The following HEY2 variants were observed in gnomAD, a reference collection of about 807,000 sequenced individuals.
HEY2 encodes hes related family bHLH transcription factor with YRPW motif 2.
In HEY2, 10 loss-of-function variants were observed where a neutral mutation model predicts 18.1. That is an observed-to-expected ratio of 0.55 (90% CI 0.34 to 0.94). The LOEUF (loss-of-function observed/expected upper bound fraction) is 0.94, where lower values mean the gene tolerates loss of function less well. HEY2 is among the 40% of genes least tolerant of loss of function. HEY2 has a pLI of 0.02. For synonymous variants in HEY2, 210 were observed against 182.7 expected, an observed-to-expected ratio of 1.15 and a Z score of -1.21; for missense variants, 455 against 455.9, an observed-to-expected ratio of 1.00 and a Z score of 0.02.
In HEY2 at chr6:125,749,645, G is replaced by A. The variant is rs1773491359; in HGVS notation, c.-132G>A. The A allele has an allele frequency of 1.9e-6, 1 of 516,998 alleles. No homozygotes were observed. Among genetic ancestry groups the A allele is most frequent in the South Asian group, 3.3e-5 (1 of 30,142 alleles). The allele number at this position is 516,998 out of a possible 1,614,324, so 32.0% of individuals were successfully genotyped here. A position where few individuals can be genotyped will look rare whatever the true frequency, so the allele number is the denominator to read the frequency against. ...GTTGCGGCGTGGGAAAGAGCCGCTA[G>A]GAGCAGACCGCGCCGCCGCCGGAGC... On this transcript the variant is annotated 5_prime_UTR_variant, in exon 1 of 5. Transcript: ENST00000368364.
intron 3 of HEY2, among the ~76,000 whole-genome samples, chr6:125,753,588 T>C (rs1005105479): frequency 1.3e-5 from 2 of 151,948 alleles, no homozygotes; most frequent in African/African-American, 4.8e-5. Flanking sequence ...AGAGAACATA[T>C]TGGTAATTAT....
At position 125,749,732 on chromosome 6, in the gene HEY2, G is replaced by T; in HGVS notation, c.-45G>T. The T allele has an allele frequency of 2.0e-6, 3 of 1,488,644 alleles. No homozygotes were observed. Among genetic ancestry groups the T allele is most frequent in the Non-Finnish European group, 1.8e-6 (2 of 1,096,966 alleles). The allele number at this position is 1,488,644 out of a possible 1,614,324, so 92.2% of individuals were successfully genotyped here. ...GTCAGGGTGCTGCGCCCCGCTCGGC[G>T]TCCGAGCTTCCGGCCGGGCTGTGCC... On this transcript the variant is annotated 5_prime_UTR_variant, in exon 1 of 5. Coordinates refer to ENST00000368364, the MANE Select transcript of HEY2 (RefSeq NM_012259.3).
intron 4 of HEY2, among the ~76,000 whole-genome samples, chr6:125,756,810 A>T (rs969198032): frequency 1.3e-5 from 2 of 152,218 alleles, no homozygotes; most frequent in Non-Finnish European, 2.9e-5. Context: ...TATATAACTC[A>T]TAAGGCTGTT....
Position 125,760,413 on chromosome 6 carries a change from A to G in HEY2, c.*611A>G, listed in dbSNP as rs1281568440. The G allele has an allele frequency of 2.0e-5, 3 of 152,944 alleles. No individual in the cohort carries two copies. Among genetic ancestry groups the G allele is most frequent in the Admixed American group, 1.3e-4 (2 of 15,402 alleles). 9.5% of individuals were successfully genotyped at this position (152,944 alleles called of 1,614,324 possible). ...AAATAATTTTCAAGTTGAAAGATCT[A>G]GTTTTATCTTAGTTTGCCTTCTTTG... On this transcript the variant is annotated 3_prime_UTR_variant, in exon 5 of 5. Coordinates refer to ENST00000368364, the MANE Select transcript of HEY2 (RefSeq NM_012259.3).
Position 125,761,088 on chromosome 6 carries a change from TC to T in HEY2, c.*1287del, listed in dbSNP as rs1773794316. The T allele has an allele frequency of 6.5e-6, 1 of 152,680 alleles. No individual in the cohort carries two copies. The highest frequency in any genetic ancestry group is 1.5e-5 in the Non-Finnish European group (1 of 68,042). The allele number at this position is 152,680 out of a possible 1,614,324, so 9.5% of individuals were successfully genotyped here. On this transcript the variant is annotated 3_prime_UTR_variant, in exon 5 of 5. Coordinates refer to ENST00000368364, the MANE Select transcript of HEY2 (RefSeq NM_012259.3). Reference sequence around the variant, plus strand: ...AGAGACACAGCATGTATTATGCACTTCATTTCTCTACTGTGTGGAGAAAGCA... The same window carrying T: ...AGAGACACAGCATGTATTATGCACTTATTTCTCTACTGTGTGGAGAAAGCA...
At chr6:125,750,463 C>A in intron 1 of HEY2, 1 of 919,388 alleles carries the variant, frequency 1.1e-6, no homozygotes, top group Non-Finnish European at 1.3e-6. Flanking sequence ...TCACAGAAGC[C>A]AGACCTCCAC....
In HEY2 at chr6:125,759,349, C is replaced by A. The variant is rs1177141562; in HGVS notation, c.561C>A (p.Ala187=). ...CGCTCCACCCGCATCACTGGGCCGC[C>A]GCCTTCCACCACCTGCCCGCAGCCC... is the stretch of plus-strand genomic sequence containing the variant. The part of the protein sequence containing the change: ...HHPLHPHHWA[A]AFHHLPAALL... The change falls in exon 5 of 5, where the codon GCC becomes GCA. Residue 187 remains alanine, a synonymous_variant. Transcript: ENST00000368364. 6.2e-7 allele frequency: 1 copy of A among 1,604,110 alleles called. No homozygotes were observed. Among genetic ancestry groups the A allele is most frequent in the Admixed American group, 1.7e-5 (1 of 59,782 alleles).
At chr6:125,754,647 CT>C (rs1237966228) in intron 4 of HEY2, 101 bp downstream of exon 4, 9 of 545,670 alleles carry the variant, frequency 1.6e-5, no homozygotes, top group Non-Finnish European at 2.8e-5. Flanking sequence ...CTGAACAGTT[CT>C]TTAACAAGCT....
intron 1 of HEY2, 150 bp from the exon 2 acceptor site, chr6:125,751,651 A>G: frequency 2.0e-6 from 1 of 495,266 alleles, no homozygotes; most frequent in Non-Finnish European, 3.5e-6. Context: ...CTGAAAGCAA[A>G]GTCCGTTAAG....
chr6:125,753,054 A>T (rs1773584107), intron 3 of HEY2, among the ~76,000 whole-genome samples: 1 of 152,256 alleles, frequency 6.6e-6, no homozygotes, highest in African/African-American at 2.4e-5. Flanking sequence ...TTAAACGCTG[A>T]CCAAATACAA....
At position 125,759,611 on chromosome 6, in the gene HEY2, G is replaced by T. The variant is rs1361015504; in HGVS notation, c.823G>T (p.Ala275Ser). 6.2e-7 allele frequency: 1 copy of T among 1,610,754 alleles called. No homozygotes were observed. ...CGCAGCCGCAGCAGCCACCGCGGCT[G>T]CACACAGCTTCCCTCTGTCCTTCGC... ...HAAAAAATAAAHSFPLSFAGA... is the reference protein window; with the variant it reads ...HAAAAAATAASHSFPLSFAGA... The change falls in exon 5 of 5, where the codon GCA becomes TCA. Residue 275 changes from alanine (A) to serine (S), a missense_variant. Transcript: ENST00000368364.
Position 125,754,550 on chromosome 6 carries a change from A to G in HEY2, c.328+4A>G. 6.5e-7 allele frequency: 1 copy of G among 1,529,990 alleles called. No homozygotes were observed. Among genetic ancestry groups the G allele is most frequent in the Non-Finnish European group, 8.9e-7 (1 of 1,126,880 alleles). The allele number at this position is 1,529,990 out of a possible 1,614,324, so 94.8% of individuals were successfully genotyped here. Reference sequence around the variant, plus strand: ...CTTCAGGCAACAGGGGGTAAAGGTAAGTAGATGACTTCATTTTTTTTTTTT... The same window carrying G: ...CTTCAGGCAACAGGGGGTAAAGGTAGGTAGATGACTTCATTTTTTTTTTTT... On this transcript the variant is annotated splice_donor_region_variant and intron_variant, in intron 4 of 4. Transcript: ENST00000368364.
chr6:125,751,655 C>T (rs779108248), intron 1 of HEY2, 146 bp from the exon 2 acceptor site: 16 of 535,440 alleles, frequency 3.0e-5, no homozygotes, highest in Non-Finnish European at 4.2e-5. Flanking sequence ...AAGCAAAGTC[C>T]GTTAAGAGTG....
chr6:125,755,390 C>T (rs185961788), intron 4 of HEY2, among the ~76,000 whole-genome samples: 7 of 152,318 alleles, frequency 4.6e-5, no homozygotes, highest in African/African-American at 1.7e-4. Context: ...CTTTGATATT[C>T]ACCTTAGCCA....
rs1554255604 is a variant in HEY2, at chr6:125,759,516, C to CG, written c.731dup (p.Ser245GlnfsTer81). The CG allele has an allele frequency of 1.2e-6, 2 of 1,611,022 alleles. No individual in the cohort carries two copies. Among genetic ancestry groups the CG allele is most frequent in the Non-Finnish European group, 1.7e-6 (2 of 1,179,988 alleles). The stretch of plus-strand genomic sequence containing the variant: ...GATTCAGCCCTCCGAATGCCATCCA[C>CG]GGGCAGCGTCGCCCCCTGCGTGCCA... On this transcript the variant is annotated frameshift_variant, in exon 5 of 5. Coordinates refer to ENST00000368364, the MANE Select transcript of HEY2 (RefSeq NM_012259.3). LOFTEE classifies it low-confidence loss of function (END_TRUNC).
chr6:125,750,192 A>G (rs1184815789), intron 1 of HEY2: 1 of 955,950 alleles, frequency 1.0e-6, no homozygotes, highest in Non-Finnish European at 1.2e-6. Context: ...AGCCACTGAA[A>G]CCGTATTTGG....
At chr6:125,750,074 G>C (rs140485061) in intron 1 of HEY2, among the ~76,000 whole-genome samples, 179 of 152,306 alleles carry the variant, frequency 1.2e-3, no homozygotes, top group African/African-American at 3.8e-3. Context: ...GGAGTAGCCA[G>C]GATGGGAGAC....
Position 125,751,787 on chromosome 6 carries a change from T to G in HEY2, c.84-14T>G. 1 of 1,582,814 alleles carries G rather than the reference T, an allele frequency of 6.3e-7. No individual in the cohort carries two copies. The highest frequency in any genetic ancestry group is 1.1e-5 in the South Asian group (1 of 89,848). On this transcript the variant is annotated splice_polypyrimidine_tract_variant and intron_variant, in intron 1 of 4. Coordinates refer to ENST00000368364, the MANE Select transcript of HEY2 (RefSeq NM_012259.3). ...TGTTAATGCAGCACCTGACATACTC[T>G]TCTTATTTCATAGGCAAAGTACTAG...
rs2128528219 is a variant in HEY2 at position 125,751,886 on chromosome 6, G to T, written c.162+7G>T. 6.2e-7 allele frequency: 1 copy of T among 1,608,226 alleles called. No homozygotes were observed. Among genetic ancestry groups the T allele is most frequent in the South Asian group, 1.1e-5 (1 of 90,848 alleles). On this transcript the variant is annotated splice_region_variant and intron_variant, in intron 2 of 4. Coordinates refer to ENST00000368364, the MANE Select transcript of HEY2 (RefSeq NM_012259.3). ...AAGAAAGAAAAGGAGAGGGGTATGT[G>T]ATTTTTCCCCCTTTTTATTTCATGT... is the stretch of plus-strand genomic sequence containing the variant.
Sources: gnomAD v4.1 joint callset for allele counts (sites outside exome capture counted in the v4.1 genomes callset) on GRCh38, gnomAD v4.1.1 for gene constraint, MANE v1.5 for transcripts, NCBI Gene and HGNC (gene_info 2026-07-23, HGNC 2026-07-21) for gene names.